Variants in BSN observed in about 807,000 individuals in gnomAD.
BSN encodes protein bassoon.
A neutral mutation model predicts 264.8 loss-of-function variants in BSN; 57 were observed. The ratio of observed to expected loss-of-function variants is 0.22; its 90% CI spans 0.17 to 0.27. The LOEUF (loss-of-function observed/expected upper bound fraction) is 0.27. Ranked by LOEUF, BSN falls within the 10% of genes least tolerant of loss-of-function variation. BSN has a pLI of 1.00. For synonymous variants in BSN, 2,059 were observed against 2,137.3 expected, an observed-to-expected ratio of 0.96 and a Z score of 1.01; for missense variants, 4,615 against 5,232.5, an observed-to-expected ratio of 0.88 and a Z score of 3.64.
At position 49,654,253 on chromosome 3, in the gene BSN, C is replaced by G; in HGVS notation, c.4697C>G (p.Ser1566Cys). The G allele has an allele frequency of 6.2e-7, 1 of 1,613,244 alleles. No homozygotes were observed. Among genetic ancestry groups the G allele is most frequent in the Non-Finnish European group, 8.5e-7 (1 of 1,179,674 alleles). ...GTCATCACGCTGGCATCTGACGCCT[C>G]CAGCCAGACCAGGATGGTACATGCC... is the stretch of plus-strand genomic sequence containing the variant. ...FMVITLASDA[S>C]SQTRMVHASA... The change falls in exon 5 of 12, where the codon TCC becomes TGC. Residue 1566 changes from serine to cysteine, a missense_variant. Around this residue, in one of 3 missense-constraint regions of BSN, gnomAD observed 3,415 missense variants for 3,866.4 expected, o/e 0.88. Transcript: ENST00000296452. This position sits in a 1 kb window ranked among gnomAD's most constrained non-coding sequence, Gnocchi z 4.1.
Position 49,664,014 on chromosome 3 carries a change from G to C in BSN, c.11608+128G>C, listed in dbSNP as rs1018772441. ...CTAATCCCTGAGAAGGTGCCCCAGGGGCTGTAGACCTCCCCAGCAGAAAAC... is the reference window on the plus strand; with the variant it reads ...CTAATCCCTGAGAAGGTGCCCCAGGCGCTGTAGACCTCCCCAGCAGAAAAC... On this transcript the variant is annotated intron_variant, in intron 8 of 11. Coordinates refer to ENST00000296452, the MANE Select transcript of BSN (RefSeq NM_003458.4). 3.3e-5 allele frequency: 30 copies of C among 916,060 alleles called. No homozygotes were observed. The African/African-American group carries it at 3.7e-4, about 11-fold the overall frequency. The allele number at this position is 916,060 out of a possible 1,614,324, so 56.7% of individuals were successfully genotyped here.
In BSN at chr3:49,661,338, G is replaced by A. The variant is rs748425735; in HGVS notation, c.9493G>A (p.Ala3165Thr). Residue 3165 changes from alanine to threonine, a missense_variant, in exon 6 of 12, where the codon GCC becomes ACC. Ala to Thr is a moderately conservative substitution (Grantham distance 58). Coordinates refer to ENST00000296452, the MANE Select transcript of BSN (RefSeq NM_003458.4). Reference protein sequence around the residue: ...QKVPTNYEVIASPVVPMSSAP... With the variant: ...QKVPTNYEVITSPVVPMSSAP... ...GGTGCCCACCAACTATGAGGTGATCGCCAGCCCCGTTGTGCCCATGTCTTC... is the reference window on the plus strand; with the variant it reads ...GGTGCCCACCAACTATGAGGTGATCACCAGCCCCGTTGTGCCCATGTCTTC... 1.2e-5 allele frequency: 19 copies of A among 1,613,816 alleles called. No homozygotes were observed. Among genetic ancestry groups the A allele is most frequent in the East Asian group, 2.2e-5 (1 of 44,898 alleles).
chr3:49,619,563 A>C (rs2052288169), intron 1 of BSN, among the ~76,000 whole-genome samples: 2 of 152,172 alleles, frequency 1.3e-5, no homozygotes, highest in Non-Finnish European at 2.9e-5. Flanking sequence ...TCTCATCTGT[A>C]AAATGGGCAA....
intron 2 of BSN, among the ~76,000 whole-genome samples, chr3:49,630,730 A>G (rs1366094359): frequency 1.3e-5 from 2 of 152,240 alleles, no homozygotes; most frequent in Admixed American, 1.3e-4. Flanking sequence ...TCTAAGGGCA[A>G]AGGAAACAGA....
rs1392925615 is a variant in BSN at position 49,654,434 on chromosome 3, C to G, written c.4878C>G (p.Pro1626=). The part of the protein sequence containing the change: ...PRVPSAGADG[P]LALYGWGALP... ...TGCCCAGTGCTGGTGCAGATGGGCC[C>G]CTGGCACTATATGGCTGGGGTGCCC... The change falls in exon 5 of 12, where the codon CCC becomes CCG. Residue 1626 remains proline, a synonymous_variant. Coordinates refer to ENST00000296452, the MANE Select transcript of BSN (RefSeq NM_003458.4). The surrounding 1 kb of genome is among the most constrained non-coding windows in gnomAD (Gnocchi z 4.1). 1 of 1,601,348 alleles carries G rather than the reference C, an allele frequency of 6.2e-7. No individual in the cohort carries two copies. The highest frequency in any genetic ancestry group is 1.1e-5 in the South Asian group (1 of 87,734).
Position 49,662,482 on chromosome 3 carries a change from A to G in BSN, c.10637A>G (p.Asp3546Gly), listed in dbSNP as rs1312971105. The stretch of plus-strand genomic sequence containing the variant: ...CCTGATGTCCAGGAACATGTCAAGG[A>G]CGGACCTCGGGCCCACGCATATAAG... ...SMPDVQEHVKDGPRAHAYKRE... is the reference protein window; with the variant it reads ...SMPDVQEHVKGGPRAHAYKRE... The change falls in exon 6 of 12, where the codon GAC (aspartate) becomes GGC (glycine). Residue 3546 changes from aspartate (D) to glycine (G), a missense_variant. Physicochemically the swap from Asp to Gly is moderately conservative, Grantham distance 94 (BLOSUM62 -1). This residue lies in a region of BSN where 3,415 missense variants were observed against 3,866.4 expected (regional missense o/e 0.88). Transcript: ENST00000296452. The G allele has an allele frequency of 8.1e-6, 13 of 1,613,616 alleles. No individual in the cohort carries two copies. The highest frequency in any genetic ancestry group is 1.0e-5 in the Non-Finnish European group (12 of 1,179,992).
intron 10 of BSN, 87 bp downstream of exon 10, chr3:49,664,940 C>T (rs1415489999): frequency 9.9e-7 from 1 of 1,012,012 alleles, no homozygotes; most frequent in Non-Finnish European, 1.5e-6. Flanking sequence ...CCGAAGGGGT[C>T]CTCTGGGAGG....
At chr3:49,599,395 A>C (rs548839200) in intron 1 of BSN, among the ~76,000 whole-genome samples, 107 of 152,188 alleles carry the variant, frequency 7.0e-4, no homozygotes, top group African/African-American at 2.4e-3. Context: ...TCGAGGGTGG[A>C]TGTTGAGAAA....
At chr3:49,615,949 C>T (rs762754897) in intron 1 of BSN, among the ~76,000 whole-genome samples, 18 of 152,232 alleles carry the variant, frequency 1.2e-4, no homozygotes, top group Admixed American at 7.8e-4. Flanking sequence ...TTGAGGAATA[C>T]GGGAGGGACA....
chr3:49,608,098 A>G (rs1012322029), intron 1 of BSN, among the ~76,000 whole-genome samples: 1 of 152,222 alleles, frequency 6.6e-6, no homozygotes. Context: ...CAAGTGGCCA[A>G]TAGTGGAATT....
chr3:49,651,933 C>T lies in BSN; in HGVS notation c.2377C>T (p.Arg793Trp), dbSNP rs145410025. ...CGAAGACTCTGCTGAGTGGAGGCGCCGGAGAGAGCAGCAGGACACTGCCGA... is the reference window on the plus strand; with the variant it reads ...CGAAGACTCTGCTGAGTGGAGGCGCTGGAGAGAGCAGCAGGACACTGCCGA... ...EDEDSAEWRR[R>W]REQQDTAESS... The change falls in exon 5 of 12, where the codon CGG (arginine) becomes TGG (tryptophan). Residue 793 changes from arginine (R) to tryptophan (W), a missense_variant. Physicochemically the swap from Arg to Trp is moderately radical, Grantham distance 101. This residue lies in a region of BSN where 1,197 missense variants were observed against 1,348.0 expected (regional missense o/e 0.89). Coordinates refer to ENST00000296452, the MANE Select transcript of BSN (RefSeq NM_003458.4). This position sits in a 1 kb window ranked among gnomAD's most constrained non-coding sequence, Gnocchi z 5.4. The T allele has an allele frequency of 1.9e-5, 30 of 1,613,492 alleles. No individual in the cohort carries two copies. Among genetic ancestry groups the T allele is most frequent in the Admixed American group, 3.3e-5 (2 of 59,994 alleles).
chr3:49,658,333 G>A lies in BSN; in HGVS notation c.8640+137G>A, dbSNP rs533018387. ...GAGGCCCAGGGGAAAGAGTCAATGA[G>A]CAGATGCTCCCTGGTGCACATCTGA... On this transcript the variant is annotated intron_variant, in intron 5 of 11. Transcript: ENST00000296452. 2.2e-5 allele frequency: 24 copies of A among 1,082,294 alleles called. 1 individual carries two copies. In the South Asian group the frequency reaches 3.8e-4, roughly 17 times the overall value. The allele number at this position is 1,082,294 out of a possible 1,614,324, so 67.0% of individuals were successfully genotyped here. A position where few individuals can be genotyped will look rare whatever the true frequency, so the allele number is the denominator to read the frequency against.
At chr3:49,579,397 C>T (rs547558790) in intron 1 of BSN, among the ~76,000 whole-genome samples, 7 of 151,532 alleles carry the variant, frequency 4.6e-5, no homozygotes, top group East Asian at 3.9e-4. Flanking sequence ...TTCATAGATG[C>T]GCTTTACAAT....
intron 1 of BSN, among the ~76,000 whole-genome samples, chr3:49,611,658 A>G (rs1001552025): frequency 6.6e-6 from 1 of 152,240 alleles, no homozygotes; most frequent in Admixed American, 6.5e-5. Context: ...AGGGGAACAC[A>G]TGGAGATACC....
chr3:49,664,280 C>T (rs1032818087), intron 8 of BSN, 143 bp from the exon 9 acceptor site: 10 of 1,095,690 alleles, frequency 9.1e-6, no homozygotes, highest in Non-Finnish European at 1.3e-5. Flanking sequence ...TTCTTACCTT[C>T]TTCTCTTTAT....
intron 3 of BSN, among the ~76,000 whole-genome samples, chr3:49,643,405 C>G (rs551039747): frequency 6.6e-6 from 1 of 152,312 alleles, no homozygotes; most frequent in African/African-American, 2.4e-5. Flanking sequence ...TAAGGCTGAT[C>G]CCAGAGTCCC....
rs1056155060 is a variant in BSN, at chr3:49,657,373, G to A, written c.7817G>A (p.Arg2606Gln). The change falls in exon 5 of 12, where the codon CGG becomes CAG. Residue 2606 changes from arginine to glutamine, a missense_variant. Arg to Gln is a conservative substitution (Grantham distance 43). This residue lies in a region of BSN where 3,415 missense variants were observed against 3,866.4 expected (regional missense o/e 0.88). Coordinates refer to ENST00000296452, the MANE Select transcript of BSN (RefSeq NM_003458.4). Reference sequence around the variant, plus strand: ...TTGAGTCGGCGACGCCGGGCACGGCGGAGTGCTGACTGCAGTGTGCAGACG... The same window carrying A: ...TTGAGTCGGCGACGCCGGGCACGGCAGAGTGCTGACTGCAGTGTGCAGACG... Reference protein sequence around the residue: ...YLLSRRRRARRSADCSVQTDD... With the variant: ...YLLSRRRRARQSADCSVQTDD... 24 of 1,613,166 alleles carry A rather than the reference G, an allele frequency of 1.5e-5. No individual in the cohort carries two copies. The highest frequency in any genetic ancestry group is 6.7e-5 in the Admixed American group (4 of 60,004).
intron 2 of BSN, among the ~76,000 whole-genome samples, chr3:49,639,473 C>T (rs1011301327): frequency 6.6e-6 from 1 of 152,216 alleles, no homozygotes; most frequent in Non-Finnish European, 1.5e-5. Context: ...GCTGGGATTA[C>T]AGGCGTGAGC....
intron 1 of BSN, among the ~76,000 whole-genome samples, chr3:49,570,072 C>T (rs954870510): frequency 6.6e-6 from 1 of 152,194 alleles, no homozygotes; most frequent in Non-Finnish European, 1.5e-5. Context: ...GGCTGTAGCA[C>T]ACGAAGCTGG....
Sources: allele counts gnomAD v4.1 joint callset (sites outside exome capture counted in the v4.1 genomes callset), GRCh38; gene constraint gnomAD v4.1.1; regional missense constraint gnomAD v4.1.1; non-coding constraint Gnocchi (gnomAD v3.1); transcripts MANE v1.5; gene names NCBI Gene and HGNC (gene_info 2026-07-23, HGNC 2026-07-21).